CNTN5: variants seen among roughly 807,000 people sequenced by gnomAD.
The protein encoded by CNTN5 is contactin 5.
A neutral mutation model predicts 129.1 loss-of-function variants in CNTN5; 77 were observed. The ratio of observed to expected loss-of-function variants is 0.60; its 90% CI spans 0.50 to 0.72. The LOEUF (loss-of-function observed/expected upper bound fraction) is 0.72. Ranked by LOEUF, CNTN5 falls within the 30% of genes least tolerant of loss-of-function variation. The probability of loss-of-function intolerance (pLI) is 0.00; values close to 1 mark genes in which losing one functional copy is unlikely to be tolerated. For synonymous variants in CNTN5, 509 were observed against 465.6 expected, an observed-to-expected ratio of 1.09 and a Z score of -1.20; for missense variants, 1,478 against 1,328.8, an observed-to-expected ratio of 1.11 and a Z score of -1.75.
chr11:99,280,231 A>G (rs1167629066), intron 1 of CNTN5, among the ~76,000 whole-genome samples: 1 of 151,742 alleles, frequency 6.6e-6, no homozygotes, highest in Non-Finnish European at 1.5e-5. Context: ...GATGAAGAAG[A>G]TGTACCCTCC....
chr11:100,090,092 A>C (rs1401682925), intron 13 of CNTN5, among the ~76,000 whole-genome samples: 1 of 152,108 alleles, frequency 6.6e-6, no homozygotes, highest in Non-Finnish European at 1.5e-5. Flanking sequence ...AACAGAATTA[A>C]AAACAAAAAC....
At chr11:99,701,220 C>CA (rs1954504853) in intron 3 of CNTN5, among the ~76,000 whole-genome samples, 2 of 151,034 alleles carry the variant, frequency 1.3e-5, no homozygotes, top group African/African-American at 4.8e-5. Flanking sequence ...ATAAAGAATG[C>CA]AAATGAGCTT....
intron 8 of CNTN5, among the ~76,000 whole-genome samples, chr11:99,986,330 G>C (rs1287704619): frequency 6.6e-6 from 1 of 151,458 alleles, no homozygotes; most frequent in African/African-American, 2.4e-5. Flanking sequence ...GCTGAGTATA[G>C]ATAGAAAAAA....
chr11:99,895,091 G>A (rs1949170630), intron 6 of CNTN5, among the ~76,000 whole-genome samples: 1 of 152,336 alleles, frequency 6.6e-6, no homozygotes, highest in Admixed American at 6.5e-5. Context: ...AGTGCTAAAG[G>A]TAGGGCATAA....
chr11:99,880,382 C>T (rs1948740813), intron 6 of CNTN5, among the ~76,000 whole-genome samples: 1 of 152,042 alleles, frequency 6.6e-6, no homozygotes, highest in Non-Finnish European at 1.5e-5. Context: ...CTCATAGAAT[C>T]AGAAAAGTAA....
At chr11:99,021,716 T>C (rs1338189909) in intron 1 of CNTN5, among the ~76,000 whole-genome samples, 1 of 152,222 alleles carries the variant, frequency 6.6e-6, no homozygotes, top group Non-Finnish European at 1.5e-5. Flanking sequence ...CATCTGGCAT[T>C]GCAATAACTT....
rs1555145274 is a variant in CNTN5 at position 99,439,724 on chromosome 11, AAG to A, written c.-71+114242_-71+114243del. Among the ~76,000 whole-genome samples, 129 of 142,884 alleles carry A rather than the reference AAG, an allele frequency of 9.0e-4. 1 individual carries two copies. The highest frequency in any genetic ancestry group is 2.9e-3 in the African/African-American group (113 of 39,636). The allele number at this position is 142,884 out of a possible 152,430, so 93.7% of individuals were successfully genotyped here. A position where few individuals can be genotyped will look rare whatever the true frequency, so the allele number is the denominator to read the frequency against. On this transcript the variant is annotated intron_variant, in intron 2 of 24. Coordinates refer to ENST00000524871, the MANE Select transcript of CNTN5 (RefSeq NM_014361.4). ...CTCTGTCTCAAAAAAAAAAAAAAAA[AAG>A]AAAAAGAAAAAAAGAAATATCACAA... is the stretch of plus-strand genomic sequence containing the variant.
chr11:100,270,918 C>G (rs761733420), intron 17 of CNTN5, among the ~76,000 whole-genome samples, 174 bp from the exon 18 acceptor site: 1 of 152,084 alleles, frequency 6.6e-6, no homozygotes, highest in Non-Finnish European at 1.5e-5. Flanking sequence ...GTGCTTACTC[C>G]CTGAAGATTG....
chr11:100,021,469 T>C (rs191076453), intron 9 of CNTN5, among the ~76,000 whole-genome samples: 5 of 152,210 alleles, frequency 3.3e-5, no homozygotes, highest in Admixed American at 3.3e-4. Flanking sequence ...CTATCACTTT[T>C]GCCCCATATA....
At chr11:99,873,219 A>G (rs909289274) in intron 6 of CNTN5, among the ~76,000 whole-genome samples, 3 of 152,058 alleles carry the variant, frequency 2.0e-5, no homozygotes, top group Admixed American at 1.3e-4. Flanking sequence ...CCTTGAGTTA[A>G]CTTAGTTTGT....
intron 2 of CNTN5, among the ~76,000 whole-genome samples, chr11:99,522,014 T>A (rs1947293848): frequency 1.3e-5 from 2 of 151,984 alleles, no homozygotes; most frequent in African/African-American, 4.8e-5. Context: ...ATAAAAAAAA[T>A]GAATAAAAAA....
intron 13 of CNTN5, among the ~76,000 whole-genome samples, chr11:100,077,846 AT>A (rs1944197361): frequency 6.6e-6 from 1 of 152,038 alleles, no homozygotes; most frequent in South Asian, 2.1e-4. Context: ...CAAAAATATA[AT>A]AAAATAAGAT....
At chr11:99,992,452 T>C (rs1939171055) in intron 8 of CNTN5, among the ~76,000 whole-genome samples, 1 of 152,202 alleles carries the variant, frequency 6.6e-6, no homozygotes, top group African/African-American at 2.4e-5. Flanking sequence ...TTTTAGTCAG[T>C]TATACTCTAA....
At chr11:99,485,875 T>C (rs1478450595) in intron 2 of CNTN5, among the ~76,000 whole-genome samples, 1 of 151,996 alleles carries the variant, frequency 6.6e-6, no homozygotes, top group African/African-American at 2.4e-5. Context: ...AATCAAGCAA[T>C]TGGTTTTCAT....
chr11:99,308,696 A>G (rs1280188506), intron 1 of CNTN5, among the ~76,000 whole-genome samples: 1 of 152,198 alleles, frequency 6.6e-6, no homozygotes, highest in African/African-American at 2.4e-5. Flanking sequence ...ATTTTGTCCA[A>G]TAAATATTGT....
chr11:99,240,842 C>A (rs575866392), intron 1 of CNTN5, among the ~76,000 whole-genome samples: 36 of 152,280 alleles, frequency 2.4e-4, no homozygotes, highest in African/African-American at 7.7e-4. Context: ...AGATTTCTTT[C>A]ATGATAGCGT....
At chr11:99,948,835 A>G (rs1398878601) in intron 7 of CNTN5, among the ~76,000 whole-genome samples, 1 of 152,218 alleles carries the variant, frequency 6.6e-6, no homozygotes, top group Non-Finnish European at 1.5e-5. Flanking sequence ...AGCAGCTGCT[A>G]TGAAGATTGG....
intron 20 of CNTN5, among the ~76,000 whole-genome samples, chr11:100,302,926 T>C (rs11223582): frequency 0.012 from 1,879 of 151,700 alleles, 42 homozygotes; most frequent in African/African-American, 0.043. Context: ...TGATGCTTGA[T>C]CAATAAATCA....
rs143399266 is a variant in CNTN5 at position 99,501,056 on chromosome 11, G to T, written c.-70-55089G>T. Among the ~76,000 whole-genome samples the T allele has an allele frequency of 7.0e-4, 106 of 152,262 alleles. 1 individual carries two copies. The highest frequency in any genetic ancestry group is 2.6e-3 in the African/African-American group (106 of 41,554). On this transcript the variant is annotated intron_variant, in intron 2 of 24. Transcript: ENST00000524871. ...TGTATATATTCTCTGTTTTGTGTGT[G>T]TTTGTGTGCATCTGTGTGTGTATGT...
Sources: allele counts gnomAD v4.1 joint callset (sites outside exome capture counted in the v4.1 genomes callset), GRCh38; gene constraint gnomAD v4.1.1; transcripts MANE v1.5; gene names NCBI Gene and HGNC (gene_info 2026-07-23, HGNC 2026-07-21).